Variants in COL4A4 observed in about 807,000 individuals in gnomAD.
COL4A4 encodes collagen alpha-4(IV) chain.
A neutral mutation model predicts 192.9 loss-of-function variants in COL4A4; 105 were observed. The ratio of observed to expected loss-of-function variants is 0.54; its 90% CI spans 0.46 to 0.64. COL4A4 has a LOEUF of 0.64. Among genes scored for constraint, COL4A4 ranks in the 30% least tolerant of loss-of-function variants. The probability of loss-of-function intolerance (pLI) is 0.00; values close to 1 mark genes in which losing one functional copy is unlikely to be tolerated. For missense variants in COL4A4, 1,967 were observed against 2,169.3 expected (o/e 0.91, Z 1.85); for synonymous variants, 762 against 769.9 (o/e 0.99, Z 0.17).
intron 44 of COL4A4, among the ~76,000 whole-genome samples, chr2:227,019,621 C>T (rs1965584630): frequency 6.6e-6 from 1 of 152,186 alleles, no homozygotes; most frequent in Non-Finnish European, 1.5e-5. Flanking sequence ...TGGAATTAAC[C>T]TCTCACCATC....
chr2:227,116,666 T>C (rs139351544), intron 7 of COL4A4, among the ~76,000 whole-genome samples: 4 of 152,224 alleles, frequency 2.6e-5, no homozygotes, highest in Middle Eastern at 3.4e-3. Context: ...ATGGGAATAA[T>C]GAGATTGTTG....
intron 4 of COL4A4, among the ~76,000 whole-genome samples, chr2:227,122,554 G>A (rs898256926): frequency 1.6e-4 from 25 of 152,148 alleles, no homozygotes; most frequent in South Asian, 6.2e-4. Flanking sequence ...TTGCAGAGTC[G>A]CATCTATATA....
intron 1 of COL4A4, among the ~76,000 whole-genome samples, chr2:227,148,446 T>G (rs2063697956): frequency 6.6e-6 from 1 of 152,192 alleles, no homozygotes; most frequent in East Asian, 1.9e-4. Context: ...AGGAAATCCA[T>G]ACAGATAGAT....
At chr2:227,118,597 G>T in intron 7 of COL4A4, 48 bp downstream of exon 7, 1 of 1,349,392 alleles carries the variant, frequency 7.4e-7, no homozygotes. Flanking sequence ...TCCACCACAG[G>T]GCCTGTTCAC....
intron 40 of COL4A4, among the ~76,000 whole-genome samples, chr2:227,030,979 CGGTT>C (rs143496952): frequency 0.095 from 12,518 of 131,950 alleles, 662 homozygotes; most frequent in Non-Finnish European, 0.13. Flanking sequence ...GGTGGATAGA[CGGTT>C]GGATGGATAG....
At chr2:227,092,263 C>T (rs996954557) in intron 20 of COL4A4, among the ~76,000 whole-genome samples, 6 of 152,176 alleles carry the variant, frequency 3.9e-5, no homozygotes, top group African/African-American at 1.2e-4. Flanking sequence ...TCAAAGTCCA[C>T]AGCAGAATTA....
chr2:227,001,731 G>C (rs937263402), downstream of COL4A4, among the ~76,000 whole-genome samples: 25 of 152,318 alleles, frequency 1.6e-4, no homozygotes, highest in African/African-American at 5.3e-4. Context: ...TAGGACAGCT[G>C]TAGGGTTGAG....
intron 13 of COL4A4, 121 bp from the exon 14 acceptor site, chr2:227,103,318 G>A: frequency 3.8e-6 from 3 of 780,132 alleles, no homozygotes; most frequent in Non-Finnish European, 6.4e-6. Flanking sequence ...AATCTTAAGA[G>A]ATTACTCTTC....
chr2:227,154,206 C>T (rs1175401986), intron 1 of COL4A4, among the ~76,000 whole-genome samples: 2 of 152,206 alleles, frequency 1.3e-5, no homozygotes, highest in Non-Finnish European at 2.9e-5. Context: ...CCCCTTCACT[C>T]CTTTATGAAA....
intron 1 of COL4A4, among the ~76,000 whole-genome samples, chr2:227,159,940 T>A (rs931746630): frequency 3.3e-5 from 5 of 152,250 alleles, no homozygotes; most frequent in Non-Finnish European, 5.9e-5. Flanking sequence ...AATCACCACA[T>A]ATTATTTCTG....
chr2:227,102,351 A>G (rs1212939104), intron 15 of COL4A4, among the ~76,000 whole-genome samples: 2 of 152,236 alleles, frequency 1.3e-5, no homozygotes, highest in African/African-American at 4.8e-5. Context: ...CTCAATGCCC[A>G]TGCCAGCTGC....
intron 9 of COL4A4, among the ~76,000 whole-genome samples, chr2:227,110,776 C>T (rs1475560500): frequency 2.0e-5 from 3 of 150,672 alleles, no homozygotes; most frequent in South Asian, 2.1e-4. Flanking sequence ...CTCTGCCTTC[C>T]GGGTTCGAGT....
Position 227,144,517 on chromosome 2 carries a change from C to G in COL4A4, c.113G>C (p.Gly38Ala). ...LILFSVQYVY[G>A]SGKKYIGPCG... ...ACCAGAGCTAGTGAATGTACTTACC[C>G]CATATACATATTGTACAGAAAAGAG... The change falls in exon 3 of 48, where the codon GGG becomes GCG. Residue 38 changes from glycine to alanine, a missense_variant and splice_region_variant. Transcript: ENST00000396625. 3.1e-6 allele frequency: 5 copies of G among 1,609,766 alleles called. No individual in the cohort carries two copies. The highest frequency in any genetic ancestry group is 4.3e-6 in the Non-Finnish European group (5 of 1,176,292).
chr2:227,040,735 T>C (rs1442035591), intron 37 of COL4A4, among the ~76,000 whole-genome samples: 3 of 152,134 alleles, frequency 2.0e-5, no homozygotes, highest in South Asian at 2.1e-4. Context: ...AGCTAACTTT[T>C]ATATTTTTAG....
intron 8 of COL4A4, among the ~76,000 whole-genome samples, chr2:227,112,925 T>C (rs1255912853): frequency 2.0e-5 from 3 of 152,240 alleles, no homozygotes; most frequent in Admixed American, 2.0e-4. Context: ...CAGTCTTCCT[T>C]TGGATGAATA....
chr2:227,156,273 C>A (rs1024560978), intron 1 of COL4A4, among the ~76,000 whole-genome samples: 1 of 151,820 alleles, frequency 6.6e-6, no homozygotes, highest in African/African-American at 2.4e-5. Context: ...GTTGCACGTG[C>A]CTGTATTCTC....
At chr2:227,121,561 CA>C (rs766680844) in intron 4 of COL4A4, among the ~76,000 whole-genome samples, 78 of 58,998 alleles carry the variant, frequency 1.3e-3, no homozygotes, top group Non-Finnish European at 2.2e-3. Context: ...GACCCTATCT[CA>C]AAAAAAAAAA....
At chr2:227,115,704 CTGA>C (rs1559663202) in intron 7 of COL4A4, among the ~76,000 whole-genome samples, 1 of 152,206 alleles carries the variant, frequency 6.6e-6, no homozygotes, top group Non-Finnish European at 1.5e-5. Context: ...GACTTGGCTT[CTGA>C]TGGGAGATAT....
rs1245363304 is a variant in COL4A4 at position 227,147,574 on chromosome 2, A to G, written c.-91T>C. The G allele has an allele frequency of 9.2e-7, 1 of 1,083,806 alleles. No individual in the cohort carries two copies. 67.1% of individuals were successfully genotyped at this position (1,083,806 alleles called of 1,614,324 possible). ...CAAGTGAGGTTCTGTGTTCTGGGTC[A>G]AAGTCTGTTCCTGTTAGATATAAAT... On this transcript the variant is annotated 5_prime_UTR_variant, in exon 2 of 48. Coordinates refer to ENST00000396625, the MANE Select transcript of COL4A4 (RefSeq NM_000092.5).
Sources: gnomAD v4.1 joint callset for allele counts (sites outside exome capture counted in the v4.1 genomes callset) on GRCh38, gnomAD v4.1.1 for gene constraint, MANE v1.5 for transcripts, NCBI Gene and HGNC (gene_info 2026-07-23, HGNC 2026-07-21) for gene names.